FGD6: variants seen among roughly 807,000 people sequenced by gnomAD.
FGD6 encodes the protein FYVE, RhoGEF and PH domain containing 6.
In FGD6, 90 loss-of-function variants were observed where a neutral mutation model predicts 149.4. The observed-to-expected ratio is 0.60, with a 90% CI of 0.51 to 0.72. FGD6 has a LOEUF of 0.72. Among genes scored for constraint, FGD6 ranks in the 30% least tolerant of loss-of-function variants. The pLI, the probability that FGD6 is intolerant of heterozygous loss-of-function variation, is 0.00. For missense variants in FGD6, 1,437 were observed against 1,684.8 expected (o/e 0.85, Z 2.57); for synonymous variants, 527 against 584.0 (o/e 0.90, Z 1.41).
At position 95,106,974 on chromosome 12, in the gene FGD6, G is replaced by A; in HGVS notation, c.3397C>T (p.Leu1133Phe). The A allele has an allele frequency of 1.2e-6, 2 of 1,613,184 alleles. No homozygotes were observed. Among genetic ancestry groups the A allele is most frequent in the Non-Finnish European group, 1.7e-6 (2 of 1,179,360 alleles). Residue 1133 changes from leucine to phenylalanine, a missense_variant, in exon 13 of 21, where the codon CTC (leucine) becomes TTC (phenylalanine). By Grantham distance (22) the Leu-to-Phe change is conservative. Coordinates refer to ENST00000343958, the MANE Select transcript of FGD6 (RefSeq NM_018351.4). ...QSGMYKLNNM[L>F]SLAGMKVRKP... ...CACACCTTCATTCCAGCCAGTGAGA[G>A]CATGTTGTTCAGTTTATACATCCCA...
chr12:95,165,415 C>A (rs1880778335), intron 3 of FGD6, among the ~76,000 whole-genome samples: 1 of 151,688 alleles, frequency 6.6e-6, no homozygotes, highest in South Asian at 2.1e-4. Context: ...CTCACTGCAA[C>A]CTCCGCCTCC....
At chr12:95,171,247 T>C (rs1420930856) in intron 3 of FGD6, among the ~76,000 whole-genome samples, 1 of 152,136 alleles carries the variant, frequency 6.6e-6, no homozygotes, top group Non-Finnish European at 1.5e-5. Flanking sequence ...TGAAGATAAA[T>C]TTAAACAGGG....
intron 3 of FGD6, among the ~76,000 whole-genome samples, chr12:95,163,289 T>C (rs1880699790): frequency 6.6e-6 from 1 of 152,170 alleles, no homozygotes; most frequent in Non-Finnish European, 1.5e-5. Context: ...TCCCCAGCAC[T>C]TCTCCTTCTC....
At chr12:95,186,294 G>T (rs1881435466) in intron 2 of FGD6, among the ~76,000 whole-genome samples, 1 of 124,834 alleles carries the variant, frequency 8.0e-6, no homozygotes, top group Non-Finnish European at 1.6e-5. Context: ...GGTCACCCAG[G>T]CTGGAGTGTA....
intron 5 of FGD6, among the ~76,000 whole-genome samples, chr12:95,149,552 TAG>T (rs1416723117): frequency 1.4e-5 from 2 of 139,038 alleles, no homozygotes; most frequent in Non-Finnish European, 3.0e-5. Flanking sequence ...ATAATATATA[TAG>T]TATAATATGT....
rs145287348 is a variant in FGD6 at position 95,211,151 on chromosome 12, T to C, written c.133A>G (p.Thr45Ala). Residue 45 changes from threonine to alanine, a missense_variant, in exon 2 of 21, where the codon ACA becomes GCA. Physicochemically the swap from Thr to Ala is moderately conservative, Grantham distance 58 (BLOSUM62 0). This residue lies in a region of FGD6 where 1,055 missense variants were observed against 1,146.0 expected (regional missense o/e 0.92). Transcript: ENST00000343958. The part of the protein sequence containing the change: ...DIVISSVPQS[T>A]KKMKPAIAPK... Reference sequence around the variant, plus strand: ...GCTATTGCTGGTTTCATTTTCTTTGTCGACTGTGGAACACTAGAAATCACA... The same window carrying C: ...GCTATTGCTGGTTTCATTTTCTTTGCCGACTGTGGAACACTAGAAATCACA... 1.2e-4 allele frequency: 195 copies of C among 1,614,216 alleles called. No homozygotes were observed. The African/African-American group carries it at 2.4e-3, about 20-fold the overall frequency.
intron 18 of FGD6, among the ~76,000 whole-genome samples, chr12:95,087,004 T>C (rs1592824017): frequency 1.3e-5 from 2 of 151,802 alleles, no homozygotes; most frequent in South Asian, 2.1e-4. Context: ...TGCACCACCA[T>C]GTCCAGCTAA....
Position 95,217,457 on chromosome 12 carries a change from C to T in FGD6, c.-217G>A. On this transcript the variant is annotated 5_prime_UTR_variant, in exon 1 of 21. Coordinates refer to ENST00000343958, the MANE Select transcript of FGD6 (RefSeq NM_018351.4). ...GCGCGAGCCGCCGGGGTCGGGCGGG[C>T]GAGCACTAGCACCGCCCCGCAGAGC... The T allele has an allele frequency of 1.6e-6, 1 of 624,996 alleles. No individual in the cohort carries two copies. Among genetic ancestry groups the T allele is most frequent in the East Asian group, 3.5e-5 (1 of 28,654 alleles). The allele number at this position is 624,996 out of a possible 1,614,324, so 38.7% of individuals were successfully genotyped here.
chr12:95,107,170 T>A, intron 12 of FGD6, 133 bp from the exon 13 acceptor site: 1 of 651,626 alleles, frequency 1.5e-6, no homozygotes, highest in Non-Finnish European at 2.7e-6. Flanking sequence ...ACTTATATTC[T>A]GCTATATACA....
In FGD6 at chr12:95,211,131, T is replaced by TG; in HGVS notation, c.152dup (p.Ile52AsnfsTer32). On this transcript the variant is annotated frameshift_variant, in exon 2 of 21. Coordinates refer to ENST00000343958, the MANE Select transcript of FGD6 (RefSeq NM_018351.4). LOFTEE classifies it high-confidence loss of function. Reference sequence around the variant, plus strand: ...TCAGGACTTTTGGTTTTGGGGCTATTGCTGGTTTCATTTTCTTTGTCGACT... The same window carrying TG: ...TCAGGACTTTTGGTTTTGGGGCTATTGGCTGGTTTCATTTTCTTTGTCGACT... The TG allele has an allele frequency of 6.2e-7, 1 of 1,614,244 alleles. No individual in the cohort carries two copies. Among genetic ancestry groups the TG allele is most frequent in the Non-Finnish European group, 8.5e-7 (1 of 1,180,044 alleles).
rs531106018 is a variant in FGD6 at position 95,193,044 on chromosome 12, C to T, written c.2441+15799G>A. 2.6e-5 allele frequency among the ~76,000 whole-genome samples: 4 copies of T among 152,230 alleles called. No individual in the cohort carries two copies. In the East Asian group the frequency reaches 5.8e-4, roughly 22 times the overall value. On this transcript the variant is annotated intron_variant, in intron 2 of 20. Transcript: ENST00000343958. ...TGCAGACACTGGGTCACTCATACAT[C>T]GCTGGTAGGAAAGCAAAATGGTATA...
intron 14 of FGD6, among the ~76,000 whole-genome samples, chr12:95,097,634 C>CAAAAAAAAAA (rs34057454): frequency 2.3e-5 from 1 of 43,390 alleles, no homozygotes; most frequent in Admixed American, 3.2e-4. Context: ...GACTCTGTCT[C>CAAAAAAAAAA]AAAAAAAAAA....
intron 3 of FGD6, among the ~76,000 whole-genome samples, chr12:95,170,540 G>A (rs1008365684): frequency 2.6e-5 from 4 of 152,132 alleles, no homozygotes; most frequent in African/African-American, 9.7e-5. Context: ...TCCTCAGGAG[G>A]CTGAGGCAGG....
intron 5 of FGD6, among the ~76,000 whole-genome samples, chr12:95,145,026 T>G (rs1382888083): frequency 1.5e-5 from 2 of 132,702 alleles, no homozygotes; most frequent in Non-Finnish European, 3.2e-5. Flanking sequence ...TCTCGCTCTG[T>G]CGTCCAGGCT....
chr12:95,192,171 T>C (rs574178354), intron 2 of FGD6, among the ~76,000 whole-genome samples: 41 of 152,288 alleles, frequency 2.7e-4, no homozygotes, highest in African/African-American at 9.6e-4. Flanking sequence ...GATGCAACCA[T>C]CCATTTTCCC....
Position 95,089,511 on chromosome 12 carries a change from T to TA in FGD6, c.3978+57dup, listed in dbSNP as rs1236363121. On this transcript the variant is annotated intron_variant, in intron 18 of 20. Transcript: ENST00000343958. Reference sequence around the variant, plus strand: ...CCTTTATGAAAGAAAAACGGTGTATTATATGCATATGAATAATTCAGCCTC... The same window carrying TA: ...CCTTTATGAAAGAAAAACGGTGTATTAATATGCATATGAATAATTCAGCCTC... 4.4e-6 allele frequency: 7 copies of TA among 1,574,198 alleles called. No individual in the cohort carries two copies. In the African/African-American group the frequency reaches 9.5e-5, roughly 21 times the overall value.
chr12:95,207,712 C>T (rs948664044), intron 2 of FGD6, among the ~76,000 whole-genome samples: 6 of 152,166 alleles, frequency 3.9e-5, no homozygotes, highest in Non-Finnish European at 7.3e-5. Context: ...TAGAACTCTT[C>T]ATGGAGCTTA....
At chr12:95,179,258 G>A (rs966444665) in intron 2 of FGD6, among the ~76,000 whole-genome samples, 1 of 151,996 alleles carries the variant, frequency 6.6e-6, no homozygotes, top group African/African-American at 2.4e-5. Flanking sequence ...ACTCTGGGAG[G>A]CTGTGGGGGG....
intron 2 of FGD6, among the ~76,000 whole-genome samples, chr12:95,173,230 A>C (rs1881042218): frequency 6.6e-6 from 1 of 152,216 alleles, no homozygotes; most frequent in African/African-American, 2.4e-5. Flanking sequence ...GCAACTGTGA[A>C]CATGTACCCT....
Sources: allele counts gnomAD v4.1 joint callset (sites outside exome capture counted in the v4.1 genomes callset), GRCh38; gene constraint gnomAD v4.1.1; regional missense constraint gnomAD v4.1.1; transcripts MANE v1.5; gene names NCBI Gene and HGNC (gene_info 2026-07-23, HGNC 2026-07-21).